KCNU1: variants seen among roughly 807,000 people sequenced by gnomAD.
The protein encoded by KCNU1 is potassium channel subfamily U member 1.
KCNU1 carries 93 observed loss-of-function variants against 126.8 expected under a neutral mutation model. The observed-to-expected ratio is 0.73, with a 90% CI of 0.62 to 0.87. The LOEUF (loss-of-function observed/expected upper bound fraction) is 0.87, where lower values mean the gene tolerates loss of function less well. Among genes scored for constraint, KCNU1 ranks in the 40% least tolerant of loss-of-function variants. KCNU1 has a pLI of 0.00. For synonymous variants in KCNU1, 523 were observed against 494.2 expected (o/e 1.06, Z -0.77); for missense variants, 1,330 against 1,367.1 (o/e 0.97, Z 0.43).
Position 36,834,772 on chromosome 8 carries a change from A to G in KCNU1, c.1213-14A>G, listed in dbSNP as rs780673588. ...TAATTAACAAGATGGCTCCTGTCCG[A>G]TCTTGAAGGGTAGGTGGAATCTGCA... On this transcript the variant is annotated splice_polypyrimidine_tract_variant and intron_variant, in intron 11 of 26. Coordinates refer to ENST00000399881, the MANE Select transcript of KCNU1 (RefSeq NM_001031836.3). The G allele has an allele frequency of 7.0e-6, 11 of 1,582,360 alleles. No individual in the cohort carries two copies. The highest frequency in any genetic ancestry group is 8.7e-6 in the Non-Finnish European group (10 of 1,153,272).
chr8:36,800,163 C>T (rs1803251856), intron 2 of KCNU1, among the ~76,000 whole-genome samples: 1 of 152,108 alleles, frequency 6.6e-6, no homozygotes, highest in Admixed American at 6.6e-5. Context: ...ACTTTCTTTG[C>T]CTGATCCTCC....
intron 3 of KCNU1, among the ~76,000 whole-genome samples, 169 bp from the exon 4 acceptor site, chr8:36,805,026 C>T (rs1411047433): frequency 4.6e-5 from 7 of 152,160 alleles, no homozygotes; most frequent in Non-Finnish European, 1.0e-4. Flanking sequence ...TTTGTTCATG[C>T]ATTCCTCTAC....
intron 19 of KCNU1, among the ~76,000 whole-genome samples, chr8:36,872,233 T>G (rs767690322): frequency 2.0e-5 from 3 of 152,184 alleles, no homozygotes; most frequent in Non-Finnish European, 2.9e-5. Flanking sequence ...CCTTTCATCA[T>G]GGATCAGGGA....
chr8:36,933,450 T>C (rs1808761132), intron 26 of KCNU1, among the ~76,000 whole-genome samples: 1 of 152,134 alleles, frequency 6.6e-6, no homozygotes, highest in South Asian at 2.1e-4. Flanking sequence ...TTGCTAGCCA[T>C]GGTGCTTTTT....
chr8:36,883,467 G>A (rs1014888708), intron 19 of KCNU1, among the ~76,000 whole-genome samples: 2 of 152,080 alleles, frequency 1.3e-5, no homozygotes, highest in African/African-American at 4.8e-5. Flanking sequence ...TCTCCTTGTT[G>A]TGCTTTGCCT....
chr8:36,921,650 T>G (rs1808350579), intron 23 of KCNU1, among the ~76,000 whole-genome samples: 1 of 105,800 alleles, frequency 9.5e-6, no homozygotes, highest in Non-Finnish European at 1.8e-5. Context: ...GCCTGGGCGA[T>G]GAAGTGAGGA....
At chr8:36,932,200 G>T (rs999460947) in intron 25 of KCNU1, among the ~76,000 whole-genome samples, 25 of 152,116 alleles carry the variant, frequency 1.6e-4, no homozygotes, top group Admixed American at 6.6e-5. Flanking sequence ...CTGGTCCTTT[G>T]CATTTCCGTA....
At chr8:36,907,379 C>T (rs950135260) in intron 20 of KCNU1, among the ~76,000 whole-genome samples, 4 of 152,108 alleles carry the variant, frequency 2.6e-5, no homozygotes, top group Non-Finnish European at 5.9e-5. Flanking sequence ...TGCACTTGGC[C>T]ATGTATCTTG....
intron 20 of KCNU1, among the ~76,000 whole-genome samples, chr8:36,907,040 T>C (rs545715077): frequency 7.2e-5 from 11 of 152,292 alleles, no homozygotes; most frequent in South Asian, 2.1e-4. Flanking sequence ...GTTGCCATGA[T>C]TGATATTTCC....
At chr8:36,844,104 C>T (rs1003697099) in intron 16 of KCNU1, among the ~76,000 whole-genome samples, 4 of 152,124 alleles carry the variant, frequency 2.6e-5, no homozygotes, top group South Asian at 2.1e-4. Flanking sequence ...AGCGGCCAGG[C>T]GCAGTGGCTC....
chr8:36,847,933 G>C (rs770628644), intron 18 of KCNU1, among the ~76,000 whole-genome samples: 1 of 152,126 alleles, frequency 6.6e-6, no homozygotes, highest in Admixed American at 6.5e-5. Flanking sequence ...TACCAACAGC[G>C]TATGAGTTCC....
chr8:36,892,745 G>A (rs1308747293), intron 19 of KCNU1, among the ~76,000 whole-genome samples: 1 of 151,974 alleles, frequency 6.6e-6, no homozygotes, highest in Non-Finnish European at 1.5e-5. Flanking sequence ...GCATGTTGAG[G>A]TAATTCCTTT....
intron 16 of KCNU1, 31 bp downstream of exon 16, chr8:36,841,034 GTT>G (rs756308750): frequency 0.038 from 20,941 of 547,560 alleles, 1 homozygote; most frequent in Middle Eastern, 0.058. Context: ...CTCTTCAGTT[GTT>G]TTTTTTTTTT....
intron 21 of KCNU1, among the ~76,000 whole-genome samples, chr8:36,909,974 G>A (rs185240799): frequency 1.3e-5 from 2 of 152,154 alleles, no homozygotes; most frequent in Admixed American, 1.3e-4. Flanking sequence ...CATTTTATAT[G>A]GACCATATAA....
intron 18 of KCNU1, among the ~76,000 whole-genome samples, chr8:36,848,755 G>T (rs893554430): frequency 1.3e-5 from 2 of 152,042 alleles, no homozygotes; most frequent in African/African-American, 4.8e-5. Flanking sequence ...GGTTTCAAGA[G>T]CACACCACTG....
At chr8:36,788,149 C>T (rs1226057099) in intron 2 of KCNU1, among the ~76,000 whole-genome samples, 1 of 152,018 alleles carries the variant, frequency 6.6e-6, no homozygotes, top group African/African-American at 2.4e-5. Flanking sequence ...CACTCTACTT[C>T]CTATTTTAAT....
chr8:36,812,525 G>C (rs1290069767), intron 7 of KCNU1, among the ~76,000 whole-genome samples: 1 of 152,152 alleles, frequency 6.6e-6, no homozygotes, highest in Non-Finnish European at 1.5e-5. Flanking sequence ...TGATGGACAG[G>C]TAAGGGGAGA....
At chr8:36,793,725 C>T (rs4374990) in intron 2 of KCNU1, among the ~76,000 whole-genome samples, 35,877 of 149,666 alleles carry the variant, frequency 0.24, 4,957 homozygotes, top group African/African-American at 0.39. Context: ...GCTAGTTGTC[C>T]TAGTGTAATT....
intron 10 of KCNU1, among the ~76,000 whole-genome samples, chr8:36,819,833 G>T (rs1005680367): frequency 1.3e-5 from 2 of 151,910 alleles, no homozygotes; most frequent in African/African-American, 2.4e-5. Flanking sequence ...ATATACTCCT[G>T]CCCCTTCTCC....
Sources: gnomAD v4.1 joint callset for allele counts (sites outside exome capture counted in the v4.1 genomes callset) on GRCh38, gnomAD v4.1.1 for gene constraint, MANE v1.5 for transcripts, NCBI Gene and HGNC (gene_info 2026-07-23, HGNC 2026-07-21) for gene names.